Variants in ERI1 observed in about 807,000 individuals in gnomAD.
ERI1 encodes exoribonuclease 1.
Under a neutral mutation model 39.7 loss-of-function variants are expected in ERI1, and 39 were observed. That is an observed-to-expected ratio of 0.98 (90% confidence interval 0.76 to 1.28). The LOEUF (loss-of-function observed/expected upper bound fraction) is 1.28, where lower values mean the gene tolerates loss of function less well. ERI1 is among the 50% of genes most tolerant of loss of function. The probability of loss-of-function intolerance (pLI) is 0.00; values close to 1 mark genes in which losing one functional copy is unlikely to be tolerated. For missense variants in ERI1, 581 were observed against 416.9 expected (o/e 1.39, Z -3.43); for synonymous variants, 204 against 149.6 (o/e 1.36, Z -2.65).
intron 3 of ERI1, among the ~76,000 whole-genome samples, chr8:9,096,128 C>G (rs1448989151): frequency 6.6e-6 from 1 of 152,182 alleles, no homozygotes; most frequent in African/African-American, 2.4e-5. Flanking sequence ...GGTTCAAGTA[C>G]AAACTCTCCA....
intron 3 of ERI1, among the ~76,000 whole-genome samples, chr8:9,014,658 GAATTAT>G (rs1487344683): frequency 6.6e-5 from 10 of 152,184 alleles, no homozygotes; most frequent in South Asian, 2.1e-4. Context: ...TAGTACTACC[GAATTAT>G]AATTATAAGG....
chr8:9,045,155 G>C (rs1044486384), intron 3 of ERI1, among the ~76,000 whole-genome samples: 4 of 147,484 alleles, frequency 2.7e-5, no homozygotes, highest in Non-Finnish European at 5.9e-5. Flanking sequence ...AGAATGGCGT[G>C]AACCAGGGAG....
At chr8:9,034,852 A>G (rs1165909651), downstream of ERI1, among the ~76,000 whole-genome samples, 2 of 152,252 alleles carry the variant, frequency 1.3e-5, no homozygotes, top group Non-Finnish European at 2.9e-5. Flanking sequence ...GTAAACCCAA[A>G]GGAAAAGTTG....
chr8:9,011,560 A>G lies in ERI1; in HGVS notation c.306A>G (p.Leu102=), dbSNP rs1563312805. ...TACTTAGAGGAGTAAAGGATGTTCT[A>G]AAGAAGAGACTGAAAAACTATTATA... ...KLETRGVKDV[L]KKRLKNYYKK... The change falls in exon 3 of 7, where the codon CTA becomes CTG. Residue 102 remains leucine, a synonymous_variant. Transcript: ENST00000250263. 14 of 1,609,608 alleles carry G rather than the reference A, an allele frequency of 8.7e-6. No individual in the cohort carries two copies. The highest frequency in any genetic ancestry group is 3.4e-5 in the Admixed American group (2 of 59,238).
intron 3 of ERI1, among the ~76,000 whole-genome samples, chr8:9,077,068 T>C (rs1043217812): frequency 1.2e-4 from 18 of 152,252 alleles, no homozygotes; most frequent in Admixed American, 7.2e-4. Flanking sequence ...GTGTTACTTA[T>C]CTGCTGGTCA....
At position 9,004,140 on chromosome 8, in the gene ERI1, C is replaced by T. The variant is rs73195791; in HGVS notation, c.108+969C>T. ...TCTCGTTAAGGATCTCTGTATGTTC[C>T]TTTTGCCCTGTGTGCACTTCCTTTG... On this transcript the variant is annotated intron_variant, in intron 1 of 6. Transcript: ENST00000250263. 1,794 of 1,289,272 alleles carry T rather than the reference C, an allele frequency of 1.4e-3. 3 individuals carry two copies. Among genetic ancestry groups the T allele is most frequent in the Non-Finnish European group, 1.7e-3 (1,690 of 988,826 alleles). The allele number at this position is 1,289,272 out of a possible 1,614,324, so 79.9% of individuals were successfully genotyped here. A position where few individuals can be genotyped will look rare whatever the true frequency, so the allele number is the denominator to read the frequency against.
In ERI1 at chr8:9,079,991, C is replaced by CA. The variant is rs35227058; in HGVS notation, n.300-36339dup. Reference sequence around the variant, plus strand: ...TGGCCCACAAGCAGGTTTTTAAAGACAAAAAAAAAAAAAAAAAAGTTTGAG... The same window carrying CA: ...TGGCCCACAAGCAGGTTTTTAAAGACAAAAAAAAAAAAAAAAAAAGTTTGAG... On this transcript the variant is annotated intron_variant and non_coding_transcript_variant, in intron 3 of 3. Coordinates refer to the ERI1 transcript ENST00000518663. Among the ~76,000 whole-genome samples the CA allele has an allele frequency of 9.8e-4, 112 of 114,804 alleles. No individual in the cohort carries two copies. The East Asian group carries it at 1.0e-2, about 10-fold the overall frequency. The allele number at this position is 114,804 out of a possible 152,430, so 75.3% of individuals were successfully genotyped here. A position where few individuals can be genotyped will look rare whatever the true frequency, so the allele number is the denominator to read the frequency against.
intron 3 of ERI1, among the ~76,000 whole-genome samples, chr8:9,076,928 C>T (rs992144385): frequency 6.6e-6 from 1 of 152,196 alleles, no homozygotes; most frequent in African/African-American, 2.4e-5. Context: ...TATAAGGCCA[C>T]ACCAGTGGAA....
chr8:9,025,456 G>C (rs953508117), intron 6 of ERI1, among the ~76,000 whole-genome samples: 1 of 152,194 alleles, frequency 6.6e-6, no homozygotes, highest in African/African-American at 2.4e-5. Flanking sequence ...GCTGCGTTTT[G>C]CAGCGCTTCT....
At chr8:9,044,090 C>T (rs1189488448) in intron 3 of ERI1, among the ~76,000 whole-genome samples, 2 of 152,150 alleles carry the variant, frequency 1.3e-5, no homozygotes, top group African/African-American at 4.8e-5. Context: ...CCTTACAAAA[C>T]TCTTCATAGG....
chr8:9,028,203 G>A (rs200459844), intron 6 of ERI1, among the ~76,000 whole-genome samples: 3 of 152,150 alleles, frequency 2.0e-5, no homozygotes, highest in East Asian at 1.9e-4. Flanking sequence ...CTGGTTCAGC[G>A]CTTTTCTTTG....
chr8:9,009,010 C>T (rs766450989), intron 2 of ERI1: 2 of 456,126 alleles, frequency 4.4e-6, no homozygotes, highest in South Asian at 3.1e-5. Context: ...CTCCTATTTC[C>T]CCGATTCTTT....
Position 9,032,101 on chromosome 8 carries a change from C to G in ERI1, c.*2067C>G, listed in dbSNP as rs889026549. ...CTCTGTTGAGTCTCTGTCCTCCCCTCCAATTTGATTTGGGATTTTGCTGAT... is the reference window on the plus strand; with the variant it reads ...CTCTGTTGAGTCTCTGTCCTCCCCTGCAATTTGATTTGGGATTTTGCTGAT... On this transcript the variant is annotated 3_prime_UTR_variant, in exon 7 of 7. Coordinates refer to ENST00000250263, the MANE Select transcript of ERI1 (RefSeq NM_153332.4). The G allele has an allele frequency of 6.6e-6, 1 of 152,106 alleles. No homozygotes were observed. Among genetic ancestry groups the G allele is most frequent in the African/African-American group, 2.4e-5 (1 of 41,400 alleles). 9.4% of individuals were successfully genotyped at this position (152,106 alleles called of 1,614,324 possible).
intron 3 of ERI1, among the ~76,000 whole-genome samples, chr8:9,041,370 T>A (rs1259812324): frequency 1.3e-5 from 2 of 152,072 alleles, no homozygotes; most frequent in Non-Finnish European, 2.9e-5. Context: ...AAATCAGGTG[T>A]GTTGAGGCAT....
At chr8:9,021,300 C>T (rs1817866304) in intron 6 of ERI1, among the ~76,000 whole-genome samples, 1 of 152,184 alleles carries the variant, frequency 6.6e-6, no homozygotes, top group Non-Finnish European at 1.5e-5. Flanking sequence ...TTTTCCCTTG[C>T]AGACTATCTT....
intron 3 of ERI1, among the ~76,000 whole-genome samples, chr8:9,088,123 C>T (rs144994464): frequency 1.1e-3 from 167 of 152,192 alleles, no homozygotes; most frequent in African/African-American, 3.9e-3. Flanking sequence ...GGAAAGGAGA[C>T]AAAATCAGCA....
At chr8:9,040,041 C>T (rs1797966240) in intron 3 of ERI1, among the ~76,000 whole-genome samples, 1 of 152,042 alleles carries the variant, frequency 6.6e-6, no homozygotes, top group Non-Finnish European at 1.5e-5. Flanking sequence ...GGTATTTTTC[C>T]TTCCAGTCAA....
chr8:9,015,761 C>T (rs912302291), intron 3 of ERI1, among the ~76,000 whole-genome samples: 1 of 143,832 alleles, frequency 7.0e-6, no homozygotes, highest in Non-Finnish European at 1.5e-5. Flanking sequence ...GTGAAAGCTT[C>T]TTGAAAAGAT....
intron 3 of ERI1, among the ~76,000 whole-genome samples, chr8:9,015,036 C>G (rs1185301198): frequency 6.6e-6 from 1 of 152,092 alleles, no homozygotes; most frequent in Non-Finnish European, 1.5e-5. Flanking sequence ...CAGGTTTCAC[C>G]ACTTCGGCCA....
Sources: allele counts gnomAD v4.1 joint callset (sites outside exome capture counted in the v4.1 genomes callset), GRCh38; gene constraint gnomAD v4.1.1; transcripts MANE v1.5; gene names NCBI Gene and HGNC (gene_info 2026-07-23, HGNC 2026-07-21).